The following FLOT2 variants were observed in gnomAD, a reference collection of about 807,000 sequenced individuals.
FLOT2 encodes flotillin-2.
FLOT2 carries 35 observed loss-of-function variants against 54.9 expected under a neutral mutation model. The observed-to-expected ratio is 0.64, with a 90% confidence interval of 0.49 to 0.84. The LOEUF (loss-of-function observed/expected upper bound fraction) is 0.84. Ranked by LOEUF, FLOT2 falls within the 40% of genes least tolerant of loss-of-function variation. FLOT2 has a pLI of 0.00. For missense variants in FLOT2, 464 were observed against 572.1 expected (o/e 0.81, Z 1.93); for synonymous variants, 207 against 228.9 (o/e 0.90, Z 0.86).
At position 28,888,996 on chromosome 17, in the gene FLOT2, T is replaced by G; in HGVS notation, c.80A>C (p.Tyr27Ser). 7.4e-6 allele frequency: 12 copies of G among 1,614,082 alleles called. No individual in the cohort carries two copies. Among genetic ancestry groups the G allele is most frequent in the Non-Finnish European group, 9.3e-6 (11 of 1,179,984 alleles). ...GGCCGSDYKQ[Y>S]VFGGWAWAWW... ...GGCCCAGGCCCAGCCGCCAAACACGTACTGTTTATAGTCGGAACCACAACA... is the reference window on the plus strand; with the variant it reads ...GGCCCAGGCCCAGCCGCCAAACACGGACTGTTTATAGTCGGAACCACAACA... The change falls in exon 2 of 11, where the codon TAC (tyrosine) becomes TCC (serine). Residue 27 changes from tyrosine (Y) to serine (S), a missense_variant. Coordinates refer to ENST00000394908, the MANE Select transcript of FLOT2 (RefSeq NM_004475.3).
At chr17:28,881,793 C>G (rs199883531) in intron 8 of FLOT2, 21 bp downstream of exon 8, 4 of 1,609,690 alleles carry the variant, frequency 2.5e-6, no homozygotes, top group South Asian at 1.1e-5. Flanking sequence ...GCCCTGACCC[C>G]GGCACCTGGG....
chr17:28,885,461 C>A, intron 2 of FLOT2: 1 of 646,660 alleles, frequency 1.5e-6, no homozygotes. Context: ...TGAGAAGGTG[C>A]TCAGTAGAGA....
chr17:28,887,114 G>A (rs956231220), intron 2 of FLOT2, among the ~76,000 whole-genome samples: 2 of 152,186 alleles, frequency 1.3e-5, no homozygotes, highest in African/African-American at 2.4e-5. Context: ...GGAGAGAGCC[G>A]CCCATATCAG....
chr17:28,890,544 G>A (rs1229926223), intron 1 of FLOT2, among the ~76,000 whole-genome samples: 1 of 152,024 alleles, frequency 6.6e-6, no homozygotes, highest in African/African-American at 2.4e-5. Flanking sequence ...CCGCCACCAC[G>A]CCCAGCTAAT....
chr17:28,887,183 GGAA>G (rs2039562839), intron 2 of FLOT2, among the ~76,000 whole-genome samples: 1 of 152,126 alleles, frequency 6.6e-6, no homozygotes, highest in Non-Finnish European at 1.5e-5. Context: ...CACTGAGCCT[GGAA>G]GAAGAATGGC....
chr17:28,895,553 G>A (rs1032560275), intron 1 of FLOT2, among the ~76,000 whole-genome samples: 1 of 152,010 alleles, frequency 6.6e-6, no homozygotes, highest in South Asian at 2.1e-4. Context: ...ATGAGCCACC[G>A]TGCCCGGCCA....
rs8074018 is a variant in FLOT2 at position 28,883,877 on chromosome 17, G to C, written c.222+348C>G. 0.43 allele frequency among the ~76,000 whole-genome samples: 65,442 copies of C among 150,722 alleles called. 16,896 individuals carry two copies. The highest frequency in any genetic ancestry group is 0.74 in the African/African-American group (30,038 of 40,816). On this transcript the variant is annotated intron_variant, in intron 3 of 10. Transcript: ENST00000394908. The surrounding 1 kb of genome is among the most constrained non-coding windows in gnomAD (Gnocchi z 5.0). The stretch of plus-strand genomic sequence containing the variant: ...TCCCTCTGGGCCCCACCCCTCCCAC[G>C]CAGTACCCAGGGAACAAGGAAGGCC...
At position 28,897,636 on chromosome 17, in the gene FLOT2, C is replaced by T. The variant is rs2039766962; in HGVS notation, c.-62G>A. On this transcript the variant is annotated 5_prime_UTR_variant, in exon 1 of 11. Coordinates refer to ENST00000394908, the MANE Select transcript of FLOT2 (RefSeq NM_004475.3). This position sits in a 1 kb window ranked among gnomAD's most constrained non-coding sequence, Gnocchi z 4.4. ...GACCCGGACAACAGCAGCGGGTCTG[C>T]AGCGCCGGCCGCGCCCAGCCTATCC... 1.5e-6 allele frequency: 2 copies of T among 1,370,942 alleles called. No individual in the cohort carries two copies. Among genetic ancestry groups the T allele is most frequent in the Admixed American group, 2.9e-5 (1 of 33,922 alleles). 84.9% of individuals were successfully genotyped at this position (1,370,942 alleles called of 1,614,324 possible).
Position 28,882,117 on chromosome 17 carries a change from C to T in FLOT2, c.699+1G>A. Reference sequence around the variant, plus strand: ...TCCCAGGATGTCCTCAGGCTGCTCACCTTGATGTTAACCTCCTCACTGAAG... The same window carrying T: ...TCCCAGGATGTCCTCAGGCTGCTCATCTTGATGTTAACCTCCTCACTGAAG... On this transcript the variant is annotated splice_donor_variant, in intron 7 of 10. Transcript: ENST00000394908. LOFTEE classifies it high-confidence loss of function. This position sits in a 1 kb window ranked among gnomAD's most constrained non-coding sequence, Gnocchi z 5.6. The T allele has an allele frequency of 6.2e-7, 1 of 1,614,174 alleles. No individual in the cohort carries two copies. Among genetic ancestry groups the T allele is most frequent in the Non-Finnish European group, 8.5e-7 (1 of 1,180,002 alleles).
chr17:28,893,612 C>G (rs978814588), intron 1 of FLOT2, among the ~76,000 whole-genome samples: 7 of 151,938 alleles, frequency 4.6e-5, no homozygotes, highest in African/African-American at 1.7e-4. Context: ...AGAGAGAGAC[C>G]CTCTCATATT....
chr17:28,897,680 G>A lies in FLOT2; in HGVS notation c.-106C>T, dbSNP rs1034776027. 9.5e-7 allele frequency: 1 copy of A among 1,053,920 alleles called. No individual in the cohort carries two copies. Among genetic ancestry groups the A allele is most frequent in the African/African-American group, 1.7e-5 (1 of 59,994 alleles). 65.3% of individuals were successfully genotyped at this position (1,053,920 alleles called of 1,614,324 possible). A position where few individuals can be genotyped will look rare whatever the true frequency, so the allele number is the denominator to read the frequency against. On this transcript the variant is annotated 5_prime_UTR_variant, in exon 1 of 11. Transcript: ENST00000394908. This position sits in a 1 kb window ranked among gnomAD's most constrained non-coding sequence, Gnocchi z 4.4. ...CCTATCCCGCCACCCCCAGCGGCCG[G>A]CCGCCCGCTCGCTCGCCCGCGCCCC...
intron 1 of FLOT2, among the ~76,000 whole-genome samples, chr17:28,891,394 T>A (rs2039649194): frequency 6.6e-6 from 1 of 152,122 alleles, no homozygotes; most frequent in African/African-American, 2.4e-5. Context: ...GCTGTGTATG[T>A]GAGTGACAGG....
In FLOT2 at chr17:28,884,291, C is replaced by T. The variant is rs572169033; in HGVS notation, c.156G>A (p.Leu52=). ...TQRISLEIMT[L]QPRCEDVETA... ...TCTCTACGTCCTCGCAGCGGGGCTG[C>T]AACGTCATAATCTCTAGGGAAATCC... Residue 52 remains leucine (L), a synonymous_variant, in exon 3 of 11, where the codon TTG becomes TTA. Coordinates refer to ENST00000394908, the MANE Select transcript of FLOT2 (RefSeq NM_004475.3). The surrounding 1 kb of genome is among the most constrained non-coding windows in gnomAD (Gnocchi z 5.1). 2 of 1,612,230 alleles carry T rather than the reference C, an allele frequency of 1.2e-6. No homozygotes were observed. The highest frequency in any genetic ancestry group is 2.7e-5 in the African/African-American group (2 of 75,018).
chr17:28,895,368 A>C (rs1289544430), intron 1 of FLOT2, among the ~76,000 whole-genome samples: 1 of 152,220 alleles, frequency 6.6e-6, no homozygotes, highest in African/African-American at 2.4e-5. Context: ...GCCAAAATAC[A>C]GATGAATTAT....
At chr17:28,890,390 CT>C (rs55640637) in intron 1 of FLOT2, among the ~76,000 whole-genome samples, 52 of 145,102 alleles carry the variant, frequency 3.6e-4, no homozygotes, top group South Asian at 8.6e-4. Flanking sequence ...CCTGAGATTT[CT>C]TTTTTTTTTT....
chr17:28,887,471 C>T lies in FLOT2; in HGVS notation c.131+1474G>A, dbSNP rs370282363. ...AGGATGTAGAGCCTGGGTGTGAGGT[C>T]GGTGTCCTGGGAAGAGATACAAGGC... On this transcript the variant is annotated intron_variant, in intron 2 of 10. Transcript: ENST00000394908. Among the ~76,000 whole-genome samples, 219 of 152,254 alleles carry T rather than the reference C, an allele frequency of 1.4e-3. 3 individuals are homozygous for T. In the South Asian group the frequency reaches 0.04, roughly 28 times the overall value.
intron 1 of FLOT2, among the ~76,000 whole-genome samples, chr17:28,896,503 G>T (rs568740663): frequency 2.8e-4 from 43 of 152,282 alleles, no homozygotes; most frequent in African/African-American, 1.0e-3. Flanking sequence ...CACACACTGG[G>T]GATGTCCCAG....
chr17:28,882,783 G>C lies in FLOT2; in HGVS notation c.347-92C>G, dbSNP rs2039478150. 1.2e-6 allele frequency: 1 copy of C among 846,646 alleles called. No individual in the cohort carries two copies. The highest frequency in any genetic ancestry group is 2.0e-6 in the Non-Finnish European group (1 of 508,918). 52.4% of individuals were successfully genotyped at this position (846,646 alleles called of 1,614,324 possible). ...GCATGTAGAGGTAGGGGTGCATGCG[G>C]GGTGCTGCACTCTGAGCTGGGTCTT... On this transcript the variant is annotated intron_variant, in intron 4 of 10. Transcript: ENST00000394908. This position sits in a 1 kb window ranked among gnomAD's most constrained non-coding sequence, Gnocchi z 5.6.
At chr17:28,889,979 C>A (rs895441282) in intron 1 of FLOT2, among the ~76,000 whole-genome samples, 1 of 152,074 alleles carries the variant, frequency 6.6e-6, no homozygotes, top group African/African-American at 2.4e-5. Flanking sequence ...AACAAGTATG[C>A]CCTGGAGTTC....
Sources: gnomAD v4.1 joint callset for allele counts (sites outside exome capture counted in the v4.1 genomes callset) on GRCh38, gnomAD v4.1.1 for gene constraint, Gnocchi (gnomAD v3.1) non-coding constraint, MANE v1.5 for transcripts, NCBI Gene and HGNC (gene_info 2026-07-23, HGNC 2026-07-21) for gene names.